Variants in ITGBL1 observed in about 807,000 individuals in gnomAD.
ITGBL1 encodes integrin subunit beta like 1.
Under a neutral mutation model 68.5 loss-of-function variants are expected in ITGBL1, and 51 were observed. The ratio of observed to expected loss-of-function variants is 0.74; its 90% CI spans 0.59 to 0.94. The LOEUF is 0.94. Ranked by LOEUF, ITGBL1 falls within the 40% of genes least tolerant of loss-of-function variation. ITGBL1 has a pLI of 0.00. For synonymous variants in ITGBL1, 209 were observed against 227.3 expected (o/e 0.92, Z 0.72); for missense variants, 649 against 647.4 (o/e 1.00, Z -0.03).
chr13:101,462,233 C>T (rs1415449378), intron 2 of ITGBL1, among the ~76,000 whole-genome samples: 1 of 152,168 alleles, frequency 6.6e-6, no homozygotes, highest in East Asian at 1.9e-4. Flanking sequence ...AAACATACTC[C>T]ACTTTTAAGG....
intron 3 of ITGBL1, among the ~76,000 whole-genome samples, chr13:101,569,807 C>T (rs993771080): frequency 1.3e-5 from 2 of 152,126 alleles, no homozygotes; most frequent in South Asian, 2.1e-4. Flanking sequence ...TCTGGAAGCA[C>T]ATGATGTCCA....
In ITGBL1 at chr13:101,567,341, A is replaced by G. The variant is rs368297271; in HGVS notation, c.317-358A>G. 7.9e-5 allele frequency among the ~76,000 whole-genome samples: 12 copies of G among 152,240 alleles called. No homozygotes were observed. The South Asian group carries it at 2.5e-3, about 32-fold the overall frequency. ...TGGTTTAATGTGTTATGTAAAATAC[A>G]GTAAACTAGAAGTATTTTTTCGTTG... On this transcript the variant is annotated intron_variant, in intron 2 of 10. Transcript: ENST00000376180.
chr13:101,589,484 T>C (rs1170926742), intron 6 of ITGBL1, among the ~76,000 whole-genome samples: 3 of 152,236 alleles, frequency 2.0e-5, no homozygotes, highest in Admixed American at 1.3e-4. Context: ...TAAATACCTC[T>C]TCTTTCCTTA....
chr13:101,642,012 G>A (rs1302252529), intron 7 of ITGBL1, among the ~76,000 whole-genome samples: 12 of 151,978 alleles, frequency 7.9e-5, no homozygotes, highest in South Asian at 4.2e-4. Flanking sequence ...GAAGAGTGCC[G>A]CAATAAACAT....
At chr13:101,499,705 T>C (rs997427839) in intron 2 of ITGBL1, among the ~76,000 whole-genome samples, 11 of 152,236 alleles carry the variant, frequency 7.2e-5, no homozygotes, top group Non-Finnish European at 1.6e-4. Context: ...TTTTTCTATT[T>C]ATAATCAGAT....
At chr13:101,702,627 G>A (rs1315520180) in intron 8 of ITGBL1, among the ~76,000 whole-genome samples, 1 of 151,940 alleles carries the variant, frequency 6.6e-6, no homozygotes, top group Non-Finnish European at 1.5e-5. Context: ...ATTTTTCTAT[G>A]CAATACAGAT....
chr13:101,518,363 A>T (rs1021212538), intron 2 of ITGBL1, among the ~76,000 whole-genome samples: 3 of 152,172 alleles, frequency 2.0e-5, no homozygotes, highest in African/African-American at 7.2e-5. Flanking sequence ...ATATACATAC[A>T]TTGTTATGTT....
At chr13:101,600,172 G>A (rs1202652484) in intron 7 of ITGBL1, among the ~76,000 whole-genome samples, 1 of 151,990 alleles carries the variant, frequency 6.6e-6, no homozygotes, top group East Asian at 1.9e-4. Context: ...AAGTTGGATT[G>A]CTAGGTATTT....
intron 7 of ITGBL1, among the ~76,000 whole-genome samples, chr13:101,682,292 C>A (rs1440648507): frequency 6.6e-6 from 1 of 152,028 alleles, no homozygotes; most frequent in Non-Finnish European, 1.5e-5. Flanking sequence ...TTCATTTTGT[C>A]TTATACTTTA....
At chr13:101,453,768 T>G in intron 1 of ITGBL1, 115 bp from the exon 2 acceptor site, 2 of 566,948 alleles carry the variant, frequency 3.5e-6, no homozygotes, top group Non-Finnish European at 5.1e-6. Flanking sequence ...AGGCGTCCTG[T>G]TCTTGGGGTT....
At chr13:101,688,630 A>C (rs2033810523) in intron 7 of ITGBL1, among the ~76,000 whole-genome samples, 1 of 152,154 alleles carries the variant, frequency 6.6e-6, no homozygotes, top group African/African-American at 2.4e-5. Context: ...TATGTTTTTA[A>C]AAAGCAGATT....
chr13:101,468,930 C>A (rs1007969424), intron 2 of ITGBL1, among the ~76,000 whole-genome samples: 7 of 152,168 alleles, frequency 4.6e-5, no homozygotes, highest in Non-Finnish European at 1.0e-4. Flanking sequence ...TGAAGGAACT[C>A]CTCCATAACC....
intron 5 of ITGBL1, among the ~76,000 whole-genome samples, chr13:101,582,010 G>A (rs1326896440): frequency 2.0e-5 from 3 of 152,150 alleles, no homozygotes; most frequent in Admixed American, 2.0e-4. Flanking sequence ...ATCTGCCACT[G>A]CTACCCACTT....
At chr13:101,568,882 C>T (rs1174017561) in intron 3 of ITGBL1, among the ~76,000 whole-genome samples, 3 of 152,074 alleles carry the variant, frequency 2.0e-5, no homozygotes, top group Non-Finnish European at 2.9e-5. Flanking sequence ...TGAGTGGATC[C>T]GTCAGGGGTC....
At position 101,539,434 on chromosome 13, in the gene ITGBL1, T is replaced by C. The variant is rs530668004; in HGVS notation, c.317-28265T>C. On this transcript the variant is annotated intron_variant, in intron 2 of 10. Coordinates refer to ENST00000376180, the MANE Select transcript of ITGBL1 (RefSeq NM_004791.3). ...CCATGGTGTATATGTGCCACATTTTTTTAATTCAGTCTATAATTGTTGGAC... is the reference window on the plus strand; with the variant it reads ...CCATGGTGTATATGTGCCACATTTTCTTAATTCAGTCTATAATTGTTGGAC... Among the ~76,000 whole-genome samples, 1,416 of 152,148 alleles carry C rather than the reference T, an allele frequency of 9.3e-3. 8 individuals are homozygous for C. Among genetic ancestry groups the C allele is most frequent in the Middle Eastern group, 0.037 (11 of 294 alleles).
chr13:101,505,854 C>A (rs1273325252), intron 2 of ITGBL1, among the ~76,000 whole-genome samples: 1 of 152,186 alleles, frequency 6.6e-6, no homozygotes, highest in African/African-American at 2.4e-5. Flanking sequence ...GGCAGCTTTC[C>A]AGTTCTTCAG....
At chr13:101,501,216 T>C (rs752708667) in intron 2 of ITGBL1, among the ~76,000 whole-genome samples, 17 of 152,190 alleles carry the variant, frequency 1.1e-4, no homozygotes, top group Admixed American at 6.5e-4. Flanking sequence ...AATGAAGAGA[T>C]GGTAAGAATT....
intron 2 of ITGBL1, among the ~76,000 whole-genome samples, chr13:101,495,030 T>C (rs762013045): frequency 8.5e-5 from 13 of 152,202 alleles, no homozygotes; most frequent in Non-Finnish European, 1.9e-4. Flanking sequence ...CTTCCCATGA[T>C]TGACATTCTT....
intron 7 of ITGBL1, among the ~76,000 whole-genome samples, chr13:101,656,494 G>A (rs1420853251): frequency 2.6e-5 from 4 of 152,188 alleles, no homozygotes; most frequent in East Asian, 3.9e-4. Flanking sequence ...AATATATAGG[G>A]TTAAATAAAA....
Sources: gnomAD v4.1 joint callset for allele counts (sites outside exome capture counted in the v4.1 genomes callset) on GRCh38, gnomAD v4.1.1 for gene constraint, MANE v1.5 for transcripts, NCBI Gene and HGNC (gene_info 2026-07-23, HGNC 2026-07-21) for gene names.